The following A2ML1 variants were observed in gnomAD, a reference collection of about 807,000 sequenced individuals.
A2ML1 encodes alpha-2-macroglobulin like 1, also known as alpha-2-macroglobulin-like protein 1.
In A2ML1, 161 loss-of-function variants were observed where a neutral mutation model predicts 181.9. The observed-to-expected ratio is 0.89, with a 90% confidence interval of 0.78 to 1.01. The LOEUF (loss-of-function observed/expected upper bound fraction) is 1.01, where lower values mean the gene tolerates loss of function less well. A2ML1 is among the 50% of genes least tolerant of loss of function. The probability of loss-of-function intolerance (pLI) is 0.00; values close to 1 mark genes in which losing one functional copy is unlikely to be tolerated. For synonymous variants in A2ML1, 663 were observed against 666.8 expected (o/e 0.99, Z 0.09); for missense variants, 1,670 against 1,768.1 (o/e 0.94, Z 1.00).
chr12:8,869,257 C>T (rs1268389880), intron 33 of A2ML1, 54 bp downstream of exon 33: 43 of 1,563,776 alleles, frequency 2.7e-5, no homozygotes, highest in Non-Finnish European at 3.7e-5. Context: ...ATCTTCATGA[C>T]TTCCCTTCTA....
intron 33 of A2ML1, among the ~76,000 whole-genome samples, chr12:8,873,207 G>A (rs1220539153): frequency 6.6e-6 from 1 of 151,796 alleles, no homozygotes; most frequent in Non-Finnish European, 1.5e-5. Context: ...CTTCCAATTA[G>A]GCGTTAATAG....
rs756707322 is a variant in A2ML1, at chr12:8,861,099, G to A, written c.3340-36G>A. ...GATTACTTGCCATTTTTAAAGGAAT[G>A]CCTTATAAGTTATAGTCTTCATCTT... On this transcript the variant is annotated intron_variant, in intron 27 of 35. Coordinates refer to ENST00000299698, the MANE Select transcript of A2ML1 (RefSeq NM_144670.6). The A allele has an allele frequency of 3.1e-6, 5 of 1,610,952 alleles. No homozygotes were observed. In the East Asian group the frequency reaches 8.9e-5, roughly 29 times the overall value.
At chr12:8,830,926 G>A (rs1025877364) in intron 4 of A2ML1, 1 of 149,570 alleles carries the variant, frequency 6.7e-6, no homozygotes, top group African/African-American at 2.5e-5. Context: ...TAGGTATAAC[G>A]TTGAGTACTT....
intron 33 of A2ML1, among the ~76,000 whole-genome samples, chr12:8,871,955 A>G (rs7303403): frequency 0.046 from 6,997 of 151,642 alleles, 503 homozygotes; most frequent in African/African-American, 0.16. Context: ...TGAGACGGGC[A>G]GATCATGAGG....
At chr12:8,840,849 G>C (rs1431548080) in intron 10 of A2ML1, among the ~76,000 whole-genome samples, 1 of 151,690 alleles carries the variant, frequency 6.6e-6, no homozygotes, top group East Asian at 1.9e-4. Context: ...AGAGGTTGCA[G>C]TGAGCTGAGC....
In A2ML1 at chr12:8,867,732, T is replaced by C. The variant is rs7311897; in HGVS notation, c.3718-110T>C. 73,905 of 911,254 alleles carry C rather than the reference T, an allele frequency of 0.081. 3,878 individuals are homozygous for C. The highest frequency in any genetic ancestry group is 0.17 in the African/African-American group (10,695 of 61,166). The allele number at this position is 911,254 out of a possible 1,614,324, so 56.4% of individuals were successfully genotyped here. A position where few individuals can be genotyped will look rare whatever the true frequency, so the allele number is the denominator to read the frequency against. ...ATAGTTCTCTAAATACTTAAAGAAGTCATCATCCAAGCCAACTAACAACAA... is the reference window on the plus strand; with the variant it reads ...ATAGTTCTCTAAATACTTAAAGAAGCCATCATCCAAGCCAACTAACAACAA... On this transcript the variant is annotated intron_variant, in intron 29 of 35. Coordinates refer to ENST00000299698, the MANE Select transcript of A2ML1 (RefSeq NM_144670.6).
At position 8,868,535 on chromosome 12, in the gene A2ML1, A is replaced by G; in HGVS notation, c.4062-2A>G. The G allele has an allele frequency of 6.2e-7, 1 of 1,613,532 alleles. No homozygotes were observed. Among genetic ancestry groups the G allele is most frequent in the Non-Finnish European group, 8.5e-7 (1 of 1,179,886 alleles). ...CATGTGTTTTCTTCTTCCTGCTCTC[A>G]GTTATGTGGGGAGCCGTAGCTCTTC... On this transcript the variant is annotated splice_acceptor_variant, in intron 31 of 35. Transcript: ENST00000299698. LOFTEE classifies it high-confidence loss of function.
At chr12:8,848,453 T>C (rs1249605297) in intron 15 of A2ML1, among the ~76,000 whole-genome samples, 1 of 151,120 alleles carries the variant, frequency 6.6e-6, no homozygotes, top group Admixed American at 6.6e-5. Flanking sequence ...TGCACTTCAA[T>C]CTGGGCGACA....
chr12:8,872,797 AAG>A (rs1491305377), intron 33 of A2ML1, among the ~76,000 whole-genome samples: 46 of 139,868 alleles, frequency 3.3e-4, no homozygotes, highest in African/African-American at 1.4e-3. Flanking sequence ...AAAAAAAAAA[AAG>A]AAAAAGAAAA....
At chr12:8,872,388 T>C (rs1019223239) in intron 33 of A2ML1, among the ~76,000 whole-genome samples, 2 of 152,022 alleles carry the variant, frequency 1.3e-5, no homozygotes, top group South Asian at 4.1e-4. Flanking sequence ...CTTTATCATA[T>C]TAGAAATTAA....
downstream of A2ML1, chr12:8,876,931 G>T (rs1894818): frequency 6.6e-6 from 1 of 152,072 alleles, no homozygotes; most frequent in Non-Finnish European, 1.5e-5. Context: ...AAAGATGTGA[G>T]GACAGGTTAG....
rs1368959372 is a variant in A2ML1, at chr12:8,884,238, T to G, written c.*95-2269T>G. Among the ~76,000 whole-genome samples the G allele has an allele frequency of 5.6e-5, 8 of 143,894 alleles. 1 individual carries two copies. The highest frequency in any genetic ancestry group is 7.9e-5 in the African/African-American group (3 of 37,930). 94.4% of individuals were successfully genotyped at this position (143,894 alleles called of 152,430 possible). A position where few individuals can be genotyped will look rare whatever the true frequency, so the allele number is the denominator to read the frequency against. On this transcript the variant is annotated intron_variant and NMD_transcript_variant, in intron 7 of 7. Transcript: ENST00000537475. ...TTCTTTTTTTTATTTTTTGTTTTTTTTTGTTTTGTTTTTTTTTAACTATTT... is the reference window on the plus strand; with the variant it reads ...TTCTTTTTTTTATTTTTTGTTTTTTGTTGTTTTGTTTTTTTTTAACTATTT...
chr12:8,829,673 A>AT, intron 3 of A2ML1, 54 bp from the exon 4 acceptor site: 3 of 1,551,986 alleles, frequency 1.9e-6, no homozygotes, highest in Non-Finnish European at 2.6e-6. Flanking sequence ...AAAAAAAAAA[A>AT]AAATTCTGAG....
At chr12:8,856,555 C>T (rs1592141816) in intron 23 of A2ML1, among the ~76,000 whole-genome samples, 1 of 152,232 alleles carries the variant, frequency 6.6e-6, no homozygotes, top group East Asian at 1.9e-4. Context: ...AGTGTCAGAA[C>T]TGTGTTTTAG....
In A2ML1 at chr12:8,861,378, C is replaced by T. The variant is rs750868211; in HGVS notation, c.3502+81C>T. On this transcript the variant is annotated intron_variant, in intron 28 of 35. Coordinates refer to ENST00000299698, the MANE Select transcript of A2ML1 (RefSeq NM_144670.6). ...CTATAATCTCCCTAGTAACCTCTGT[C>T]CCACACATGTACTCTAGGATTCATT... 454 of 1,457,046 alleles carry T rather than the reference C, an allele frequency of 3.1e-4. 2 individuals are homozygous for T. The African/African-American group carries it at 5.0e-3, about 16-fold the overall frequency. The allele number at this position is 1,457,046 out of a possible 1,614,324, so 90.3% of individuals were successfully genotyped here. A position where few individuals can be genotyped will look rare whatever the true frequency, so the allele number is the denominator to read the frequency against.
In A2ML1 at chr12:8,861,127, C is replaced by T; in HGVS notation, c.3340-8C>T. On this transcript the variant is annotated splice_region_variant and splice_polypyrimidine_tract_variant and intron_variant, in intron 27 of 35. Coordinates refer to ENST00000299698, the MANE Select transcript of A2ML1 (RefSeq NM_144670.6). ...TTATAAGTTATAGTCTTCATCTTCA[C>T]TTTTTAGGACCCAATGGTGAGTCAG... 6.2e-7 allele frequency: 1 copy of T among 1,613,964 alleles called. No homozygotes were observed.
At chr12:8,834,294 A>G (rs966600499) in intron 4 of A2ML1, among the ~76,000 whole-genome samples, 1 of 152,234 alleles carries the variant, frequency 6.6e-6, no homozygotes, top group African/African-American at 2.4e-5. Flanking sequence ...GCTACCAAGA[A>G]GAGGTTTAAA....
Position 8,833,360 on chromosome 12 carries a change from T to C in A2ML1, c.463-1302T>C, listed in dbSNP as rs113924261. Among the ~76,000 whole-genome samples, 894 of 152,328 alleles carry C rather than the reference T, an allele frequency of 5.9e-3. 12 individuals are homozygous for C. Among genetic ancestry groups the C allele is most frequent in the East Asian group, 0.024 (124 of 5,182 alleles). Reference sequence around the variant, plus strand: ...GATGTCTTTCCTGATTCTTGATCCCTGTGTGAGAAAAGTACTTTGTTATCG... The same window carrying C: ...GATGTCTTTCCTGATTCTTGATCCCCGTGTGAGAAAAGTACTTTGTTATCG... On this transcript the variant is annotated intron_variant, in intron 4 of 35. Coordinates refer to ENST00000299698, the MANE Select transcript of A2ML1 (RefSeq NM_144670.6).
intron 33 of A2ML1, among the ~76,000 whole-genome samples, chr12:8,871,363 GATC>G (rs1944615744): frequency 1.3e-5 from 2 of 152,148 alleles, no homozygotes; most frequent in Admixed American, 1.3e-4. Flanking sequence ...AGAAGTCTGA[GATC>G]ATTATTTCTG....
Sources: allele counts gnomAD v4.1 joint callset (sites outside exome capture counted in the v4.1 genomes callset), GRCh38; gene constraint gnomAD v4.1.1; transcripts MANE v1.5; gene names NCBI Gene and HGNC (gene_info 2026-07-23, HGNC 2026-07-21).